ERBB2: variants seen among roughly 807,000 people sequenced by gnomAD.
ERBB2 encodes the protein receptor tyrosine-protein kinase erbB-2.
Under a neutral mutation model 149.0 loss-of-function variants are expected in ERBB2, and 61 were observed. The observed-to-expected ratio is 0.41, with a 90% confidence interval of 0.33 to 0.51. The LOEUF is 0.51. ERBB2 is among the 20% of genes least tolerant of loss of function. ERBB2 has a pLI of 0.25. For missense variants in ERBB2, 1,205 were observed against 1,655.1 expected, an observed-to-expected ratio of 0.73 and a Z score of 4.72; for synonymous variants, 633 against 678.8, an observed-to-expected ratio of 0.93 and a Z score of 1.05.
intron 7 of ERBB2, among the ~76,000 whole-genome samples, chr17:39,711,438 C>T (rs1041305663): frequency 5.9e-5 from 9 of 151,970 alleles, no homozygotes; most frequent in East Asian, 1.9e-4. Flanking sequence ...GTGATCCACC[C>T]GCCTTGGTCT....
At chr17:39,706,384 CT>C (rs1410798687) in intron 1 of ERBB2, among the ~76,000 whole-genome samples, 12 of 152,200 alleles carry the variant, frequency 7.9e-5, no homozygotes, top group African/African-American at 2.4e-4. Flanking sequence ...CTCCTTTTCT[CT>C]TCATGGGGGA....
In ERBB2 at chr17:39,708,467, C is replaced by G. The variant is rs2058595319; in HGVS notation, c.372C>G (p.Asn124Lys). The G allele has an allele frequency of 6.2e-7, 1 of 1,614,108 alleles. No homozygotes were observed. ...LAVLDNGDPL[N>K]NTTPVTGASP... ...TGCTAGACAATGGAGACCCGCTGAA[C>G]AATACCACCCCTGTCACAGGGGCCT... is the stretch of plus-strand genomic sequence containing the variant. Residue 124 changes from asparagine to lysine, a missense_variant, in exon 3 of 27, where the codon AAC (asparagine) becomes AAG (lysine). Around this residue, in one of 6 missense-constraint regions of ERBB2, gnomAD observed 569 missense variants for 803.5 expected, o/e 0.71. Coordinates refer to ENST00000269571, the MANE Select transcript of ERBB2 (RefSeq NM_004448.4).
chr17:39,694,312 T>A (rs2057809540), upstream of ERBB2, among the ~76,000 whole-genome samples: 1 of 124,476 alleles, frequency 8.0e-6, no homozygotes, highest in Admixed American at 8.8e-5. Flanking sequence ...TGTATATATA[T>A]ATACACACAC....
rs777200981 is a variant in ERBB2, at chr17:39,723,670, A to C, written c.2208+10A>C. 7 of 1,598,604 alleles carry C rather than the reference A, an allele frequency of 4.4e-6. No individual in the cohort carries two copies. The South Asian group carries it at 7.9e-5, about 18-fold the overall frequency. On this transcript the variant is annotated intron_variant, in intron 18 of 26. Transcript: ENST00000269571. This position sits in a 1 kb window ranked among gnomAD's most constrained non-coding sequence, Gnocchi z 6.2. The stretch of plus-strand genomic sequence containing the variant: ...TGGCACAGTCTACAAGGTCAGGGCC[A>C]GGTCCTGGGGTGGGCGGCCCCAGAG...
chr17:39,727,971 C>G lies in ERBB2; in HGVS notation c.3695C>G (p.Ala1232Gly), dbSNP rs2143316162. Reference protein sequence around the residue: ...YWDQDPPERGAPPSTFKGTPT... With the variant: ...YWDQDPPERGGPPSTFKGTPT... ...GACCAGGACCCACCAGAGCGGGGGGCTCCACCCAGCACCTTCAAAGGGACA... is the reference window on the plus strand; with the variant it reads ...GACCAGGACCCACCAGAGCGGGGGGGTCCACCCAGCACCTTCAAAGGGACA... The change falls in exon 27 of 27, where the codon GCT (alanine) becomes GGT (glycine). Residue 1232 changes from alanine to glycine, a missense_variant. Physicochemically the swap from Ala to Gly is moderately conservative, Grantham distance 60. Around this residue, in one of 6 missense-constraint regions of ERBB2, gnomAD observed 312 missense variants for 343.8 expected, o/e 0.91. Transcript: ENST00000269571. The surrounding 1 kb of genome is among the most constrained non-coding windows in gnomAD (Gnocchi z 4.3). 6.2e-7 allele frequency: 1 copy of G among 1,613,676 alleles called. No individual in the cohort carries two copies. Among genetic ancestry groups the G allele is most frequent in the Non-Finnish European group, 8.5e-7 (1 of 1,179,978 alleles).
At position 39,725,079 on chromosome 17, in the gene ERBB2, G is replaced by T. The variant is rs1057519738; in HGVS notation, c.2524G>T (p.Val842Leu). ...GMSYLEDVRLVHRDLAARNVL... is the reference protein window; with the variant it reads ...GMSYLEDVRLLHRDLAARNVL... The stretch of plus-strand genomic sequence containing the variant: ...GAGCTACCTGGAGGATGTGCGGCTC[G>T]TACACAGGGACTTGGCCGCTCGGAA... The change falls in exon 21 of 27, where the codon GTA becomes TTA. Residue 842 changes from valine to leucine, a missense_variant. Val to Leu is a conservative substitution (Grantham distance 32). Coordinates refer to ENST00000269571, the MANE Select transcript of ERBB2 (RefSeq NM_004448.4). The surrounding 1 kb of genome is among the most constrained non-coding windows in gnomAD (Gnocchi z 4.6). The T allele has an allele frequency of 6.2e-7, 1 of 1,614,126 alleles. No homozygotes were observed. Among genetic ancestry groups the T allele is most frequent in the Non-Finnish European group, 8.5e-7 (1 of 1,180,032 alleles).
chr17:39,721,248 C>T (rs993706381), intron 16 of ERBB2, among the ~76,000 whole-genome samples: 1 of 144,826 alleles, frequency 6.9e-6, no homozygotes, highest in East Asian at 2.0e-4. Flanking sequence ...CCACTCCTGG[C>T]GATGAGCCAA....
In ERBB2 at chr17:39,708,364, A is replaced by C. The variant is rs763850846; in HGVS notation, c.269A>C (p.Gln90Pro). Residue 90 changes from glutamine to proline, a missense_variant, in exon 3 of 27, where the codon CAA (glutamine) becomes CCA (proline). Around this residue, in one of 6 missense-constraint regions of ERBB2, gnomAD observed 569 missense variants for 803.5 expected, o/e 0.71. Transcript: ENST00000269571. ...VQGYVLIAHN[Q>P]VRQVPLQRLR... The stretch of plus-strand genomic sequence containing the variant: ...GGCTACGTGCTCATCGCTCACAACC[A>C]AGTGAGGCAGGTCCCACTGCAGAGG... The C allele has an allele frequency of 2.5e-6, 4 of 1,614,124 alleles. No individual in the cohort carries two copies. Among genetic ancestry groups the C allele is most frequent in the Non-Finnish European group, 3.4e-6 (4 of 1,180,014 alleles).
At chr17:39,717,836 C>T (rs1170213733) in intron 15 of ERBB2, among the ~76,000 whole-genome samples, 4 of 151,214 alleles carry the variant, frequency 2.6e-5, no homozygotes, top group South Asian at 2.1e-4. Context: ...TATTTTTAGA[C>T]GGAGTTTCAC....
At chr17:39,691,934 C>CATATACAT (rs564472045), upstream of ERBB2, among the ~76,000 whole-genome samples, 1,052 of 120,846 alleles carry the variant, frequency 8.7e-3, 6 homozygotes, top group South Asian at 0.013. Flanking sequence ...TATACATATA[C>CATATACAT]ATATATATAT....
At chr17:39,715,960 T>C (rs375933233) in intron 12 of ERBB2, 21 bp downstream of exon 12, 13 of 1,601,698 alleles carry the variant, frequency 8.1e-6, no homozygotes, top group Non-Finnish European at 1.0e-5. Context: ...GAGCCCAGTG[T>C]GCGCACTCCC....
At chr17:39,721,194 C>G (rs11653998) in intron 16 of ERBB2, among the ~76,000 whole-genome samples, 78,137 of 151,174 alleles carry the variant, frequency 0.52, 23,201 homozygotes, top group Non-Finnish European at 0.66. Flanking sequence ...AAGTGATCCT[C>G]CAGTTTTGGC....
upstream of ERBB2, chr17:39,699,940 T>C: frequency 8.8e-7 from 1 of 1,137,948 alleles, no homozygotes; most frequent in Non-Finnish European, 1.1e-6. Flanking sequence ...ACTCCCAGAC[T>C]TGTTGGAATG....
chr17:39,695,757 A>ACACACC (rs1197572966), upstream of ERBB2, among the ~76,000 whole-genome samples: 1 of 142,468 alleles, frequency 7.0e-6, no homozygotes, highest in Non-Finnish European at 1.5e-5. Context: ...ACACACACAC[A>ACACACC]CGTCTCCTGT....
upstream of ERBB2, among the ~76,000 whole-genome samples, chr17:39,698,240 T>G (rs1381696349): frequency 6.6e-6 from 1 of 151,944 alleles, no homozygotes; most frequent in South Asian, 2.1e-4. Context: ...GTGACATGAC[T>G]GATATGGAAT....
upstream of ERBB2, among the ~76,000 whole-genome samples, chr17:39,698,334 A>C (rs1406657144): frequency 6.7e-6 from 1 of 149,650 alleles, no homozygotes; most frequent in Non-Finnish European, 1.5e-5. Flanking sequence ...ATCTCAGCTC[A>C]CTGCAAGCTC....
At chr17:39,717,593 G>A (rs377545946) in intron 15 of ERBB2, 113 bp downstream of exon 15, 11 of 865,260 alleles carry the variant, frequency 1.3e-5, no homozygotes, top group East Asian at 8.1e-5. Flanking sequence ...TGTTTCTGAT[G>A]ACAAAAATAA....
chr17:39,694,196 A>G (rs1336706814), upstream of ERBB2, among the ~76,000 whole-genome samples: 1 of 5,736 alleles, frequency 1.7e-4, no homozygotes, highest in Non-Finnish European at 5.5e-4. Context: ...TGTCTCAGAA[A>G]AAAAAAAAAA....
intron 5 of ERBB2, 75 bp from the exon 6 acceptor site, chr17:39,710,010 TC>T: frequency 6.6e-7 from 1 of 1,511,040 alleles, no homozygotes; most frequent in Non-Finnish European, 9.1e-7. Context: ...CCAGGTAGTC[TC>T]CCTAGAAGGT....
Sources: gnomAD v4.1 joint callset for allele counts (sites outside exome capture counted in the v4.1 genomes callset) on GRCh38, gnomAD v4.1.1 for gene constraint, gnomAD v4.1.1 regional missense constraint, Gnocchi (gnomAD v3.1) non-coding constraint, MANE v1.5 for transcripts, NCBI Gene and HGNC (gene_info 2026-07-23, HGNC 2026-07-21) for gene names.